FBXO31: variants seen among roughly 807,000 people sequenced by gnomAD.
FBXO31 encodes the protein F-box only protein 31.
A neutral mutation model predicts 54.4 loss-of-function variants in FBXO31; 24 were observed. The observed-to-expected ratio is 0.44, with a 90% CI of 0.32 to 0.62. The LOEUF is 0.62. FBXO31 is among the 20% of genes least tolerant of loss of function. The pLI, the probability that FBXO31 is intolerant of heterozygous loss-of-function variation, is 0.05. For missense variants in FBXO31, 665 were observed against 787.1 expected (o/e 0.84, Z 1.86); for synonymous variants, 388 against 335.6 (o/e 1.16, Z -1.71).
intron 2 of FBXO31, among the ~76,000 whole-genome samples, chr16:87,354,066 T>G (rs1905786952): frequency 6.6e-6 from 1 of 152,368 alleles, no homozygotes; most frequent in South Asian, 2.1e-4. Flanking sequence ...GAATGGACAT[T>G]TGTAAGGAAT....
chr16:87,344,856 G>C (rs1308240915), intron 3 of FBXO31, among the ~76,000 whole-genome samples: 3 of 151,856 alleles, frequency 2.0e-5, no homozygotes, highest in Non-Finnish European at 4.4e-5. Context: ...AACCCCACCT[G>C]GGGGCAAAAC....
chr16:87,348,147 C>A (rs1015105702), intron 2 of FBXO31, among the ~76,000 whole-genome samples: 5 of 152,188 alleles, frequency 3.3e-5, no homozygotes, highest in African/African-American at 4.8e-5. Flanking sequence ...CCAGCCCACC[C>A]ACTGCCTCTC....
rs780173944 is a variant in FBXO31, at chr16:87,331,346, G to A, written c.1562C>T (p.Ala521Val). 2.5e-6 allele frequency: 4 copies of A among 1,614,010 alleles called. No homozygotes were observed. The highest frequency in any genetic ancestry group is 2.2e-5 in the East Asian group (1 of 44,872). Reference protein sequence around the residue: ...RVQATFRNADAPSPQAFDEML... With the variant: ...RVQATFRNADVPSPQAFDEML... Reference sequence around the variant, plus strand: ...CTCATCGAAGGCCTGTGGGGACGGCGCATCTGCGTTCCGGAAGGTGGCCTG... The same window carrying A: ...CTCATCGAAGGCCTGTGGGGACGGCACATCTGCGTTCCGGAAGGTGGCCTG... The change falls in exon 9 of 9, where the codon GCG (alanine) becomes GTG (valine). Residue 521 changes from alanine (A) to valine (V), a missense_variant. Ala to Val is a moderately conservative substitution (Grantham distance 64). Around this residue, in one of 4 missense-constraint regions of FBXO31, gnomAD observed 71 missense variants for 105.8 expected, o/e 0.67. Transcript: ENST00000311635.
In FBXO31 at chr16:87,335,489, C is replaced by T. The variant is rs767943604; in HGVS notation, c.843-32G>A. The T allele has an allele frequency of 4.4e-6, 7 of 1,593,238 alleles. No individual in the cohort carries two copies. The Admixed American group carries it at 1.2e-4, about 27-fold the overall frequency. On this transcript the variant is annotated intron_variant, in intron 6 of 8. Transcript: ENST00000311635. The surrounding 1 kb of genome is among the most constrained non-coding windows in gnomAD (Gnocchi z 5.7). ...GGAGCGGACGGGTCAGTACAGGAGA[C>T]CTCGTGGGGCAGGCAGGACTGAGAA...
chr16:87,373,384 G>A (rs1024857083), intron 1 of FBXO31, among the ~76,000 whole-genome samples: 17 of 152,074 alleles, frequency 1.1e-4, no homozygotes, highest in African/African-American at 2.9e-4. Flanking sequence ...CCCAGGAGGT[G>A]GAGCTTGCAG....
At chr16:87,369,205 T>C (rs1906492728) in intron 1 of FBXO31, among the ~76,000 whole-genome samples, 2 of 152,136 alleles carry the variant, frequency 1.3e-5, no homozygotes, top group Admixed American at 1.3e-4. Flanking sequence ...ACATAAAAGC[T>C]ACCATTTTAC....
At chr16:87,352,709 A>G (rs150611052) in intron 2 of FBXO31, among the ~76,000 whole-genome samples, 19 of 152,330 alleles carry the variant, frequency 1.2e-4, no homozygotes, top group African/African-American at 4.3e-4. Context: ...GAAACGTCAG[A>G]ATAATCTTTT....
At chr16:87,332,275 G>A (rs1224200196) in intron 8 of FBXO31, among the ~76,000 whole-genome samples, 1 of 152,222 alleles carries the variant, frequency 6.6e-6, no homozygotes, top group East Asian at 1.9e-4. Flanking sequence ...CCCTGTACAG[G>A]TGCCGTGGCC....
intron 2 of FBXO31, among the ~76,000 whole-genome samples, chr16:87,350,639 G>A (rs1284182858): frequency 1.3e-5 from 2 of 152,178 alleles, no homozygotes; most frequent in African/African-American, 4.8e-5. Context: ...CTGCTGGGCG[G>A]CTGGGTGATA....
chr16:87,337,542 C>T (rs1905073338), intron 5 of FBXO31, among the ~76,000 whole-genome samples: 1 of 152,212 alleles, frequency 6.6e-6, no homozygotes, highest in Non-Finnish European at 1.5e-5. Flanking sequence ...CCAGTATAAG[C>T]TCCCGTCATG....
At chr16:87,386,188 G>A (rs1907322854), upstream of FBXO31, 1 of 152,168 alleles carries the variant, frequency 6.6e-6, no homozygotes, top group Non-Finnish European at 1.5e-5. Flanking sequence ...TTCAGTCCAG[G>A]GTGTGGTCTG....
intron 2 of FBXO31, among the ~76,000 whole-genome samples, chr16:87,356,702 T>C (rs1313742823): frequency 6.6e-6 from 1 of 152,128 alleles, no homozygotes; most frequent in Non-Finnish European, 1.5e-5. Context: ...GGACATTAGG[T>C]GAAATTACTC....
In FBXO31 at chr16:87,334,179, G is replaced by A. The variant is rs915746026; in HGVS notation, c.1104C>T (p.Arg368=). The change falls in exon 8 of 9, where the codon CGC becomes CGT. Residue 368 remains arginine, a synonymous_variant. Coordinates refer to ENST00000311635, the MANE Select transcript of FBXO31 (RefSeq NM_024735.5). ...CCCTCTCGCGCACCTCCAGGACGAT[G>A]CGGGAGAGCTCATTGAAGTTGCGCT... The part of the protein sequence containing the change: ...ENQRNFNELS[R]IVLEVRERVR... 8.7e-6 allele frequency: 14 copies of A among 1,612,788 alleles called. No homozygotes were observed. The highest frequency in any genetic ancestry group is 1.2e-5 in the Non-Finnish European group (14 of 1,179,782).
Position 87,383,562 on chromosome 16 carries a change from C to T in FBXO31, c.183G>A (p.Pro61=), listed in dbSNP as rs755595947. Residue 61 remains proline, a synonymous_variant, in exon 1 of 9, where the codon CCG becomes CCA. Transcript: ENST00000311635. The surrounding 1 kb of genome is among the most constrained non-coding windows in gnomAD (Gnocchi z 4.9). The part of the protein sequence containing the change: ...GGGLCAGPSP[P]PPRCSLLELP... Reference sequence around the variant, plus strand: ...GCTCCAGCAGCGAGCAGCGCGGGGGCGGCGGCGAGGGGCCCGCGCACAAGC... The same window carrying T: ...GCTCCAGCAGCGAGCAGCGCGGGGGTGGCGGCGAGGGGCCCGCGCACAAGC... The T allele has an allele frequency of 2.6e-6, 4 of 1,532,526 alleles. No individual in the cohort carries two copies. The highest frequency in any genetic ancestry group is 2.1e-5 in the Admixed American group (1 of 47,358). 94.9% of individuals were successfully genotyped at this position (1,532,526 alleles called of 1,614,324 possible). A position where few individuals can be genotyped will look rare whatever the true frequency, so the allele number is the denominator to read the frequency against.
chr16:87,384,400 G>T (rs1226227411), upstream of FBXO31, among the ~76,000 whole-genome samples: 1 of 152,222 alleles, frequency 6.6e-6, no homozygotes, highest in Non-Finnish European at 1.5e-5. Flanking sequence ...GGGAGGGCTT[G>T]GAGGGGCGGC....
intron 2 of FBXO31, among the ~76,000 whole-genome samples, chr16:87,352,447 C>T (rs1344496409): frequency 6.6e-6 from 1 of 151,490 alleles, no homozygotes; most frequent in African/African-American, 2.4e-5. Flanking sequence ...AAGAAAATAA[C>T]ATAACCAAAA....
rs764127812 is a variant in FBXO31 at position 87,349,693 on chromosome 16, G to C, written c.413-2443C>G. 1.3e-3 allele frequency among the ~76,000 whole-genome samples: 195 copies of C among 149,212 alleles called. 1 individual carries two copies. The highest frequency in any genetic ancestry group is 1.7e-3 in the Non-Finnish European group (112 of 67,714). On this transcript the variant is annotated intron_variant, in intron 2 of 8. Transcript: ENST00000311635. Reference sequence around the variant, plus strand: ...CCACTGCACTCCAGCCTGGGCAACAGAGCAAGACTCCATCTGAAAAAAAAA... The same window carrying C: ...CCACTGCACTCCAGCCTGGGCAACACAGCAAGACTCCATCTGAAAAAAAAA...
At chr16:87,377,697 T>C (rs770392320) in intron 1 of FBXO31, among the ~76,000 whole-genome samples, 1 of 150,126 alleles carries the variant, frequency 6.7e-6, no homozygotes, top group African/African-American at 2.5e-5. Context: ...GGTGTGGTGG[T>C]GCACGCCTGT....
Position 87,331,345 on chromosome 16 carries a change from C to T in FBXO31, c.1563G>A (p.Ala521=), listed in dbSNP as rs550271598. ...TCTCATCGAAGGCCTGTGGGGACGG[C>T]GCATCTGCGTTCCGGAAGGTGGCCT... ...RVQATFRNAD[A]PSPQAFDEML... The change falls in exon 9 of 9, where the codon GCG becomes GCA. Residue 521 remains alanine, a synonymous_variant. Coordinates refer to ENST00000311635, the MANE Select transcript of FBXO31 (RefSeq NM_024735.5). The T allele has an allele frequency of 2.1e-5, 34 of 1,613,960 alleles. 2 individuals carry two copies. The Admixed American group carries it at 5.2e-4, about 25-fold the overall frequency.
Sources: gnomAD v4.1 joint callset for allele counts (sites outside exome capture counted in the v4.1 genomes callset) on GRCh38, gnomAD v4.1.1 for gene constraint, gnomAD v4.1.1 regional missense constraint, Gnocchi (gnomAD v3.1) non-coding constraint, MANE v1.5 for transcripts, NCBI Gene and HGNC (gene_info 2026-07-23, HGNC 2026-07-21) for gene names.